Variants in GLMN observed in about 807,000 individuals in gnomAD.
GLMN encodes glomulin.
GLMN carries 75 observed loss-of-function variants against 87.8 expected under a neutral mutation model. The ratio of observed to expected loss-of-function variants is 0.85; its 90% CI spans 0.71 to 1.04. The LOEUF (loss-of-function observed/expected upper bound fraction) is 1.04. GLMN is among the 50% of genes least tolerant of loss of function. The pLI, the probability that GLMN is intolerant of heterozygous loss-of-function variation, is 0.00. For synonymous variants in GLMN, 206 were observed against 221.6 expected (o/e 0.93, Z 0.63); for missense variants, 588 against 658.8 (o/e 0.89, Z 1.18).
chr1:92,330,439 ATTTTTTTTTTT>A, the GLMN span, among the ~76,000 whole-genome samples: 6 of 61,462 alleles, frequency 9.8e-5, no homozygotes, highest in East Asian at 1.3e-3. Context: ...TGGGTTGTCA[ATTTTTTTTTTT>A]TTTTTTTTTT....
intron 7 of GLMN, among the ~76,000 whole-genome samples, chr1:92,277,873 TAATC>T (rs1647474186): frequency 6.6e-6 from 1 of 152,066 alleles, no homozygotes; most frequent in Non-Finnish European, 1.5e-5. Context: ...TCTAGCAAAT[TAATC>T]AAACCCAAGG....
the GLMN span, among the ~76,000 whole-genome samples, chr1:92,328,023 G>C: frequency 6.6e-6 from 1 of 152,192 alleles, no homozygotes; most frequent in Admixed American, 6.5e-5. Flanking sequence ...TGAGAAATCT[G>C]CTGTTAATCT....
chr1:92,266,791 G>A, intron 11 of GLMN, 50 bp from the exon 12 acceptor site: 1 of 1,186,294 alleles, frequency 8.4e-7, no homozygotes, highest in Non-Finnish European at 1.3e-6. Flanking sequence ...TATACTGACT[G>A]CAAACAAACA....
chr1:92,295,156 T>C (rs756655044), intron 3 of GLMN, among the ~76,000 whole-genome samples: 8 of 152,178 alleles, frequency 5.3e-5, no homozygotes, highest in Non-Finnish European at 1.2e-4. Flanking sequence ...GCCTGAAAAA[T>C]ACTTTGTTTA....
chr1:92,338,729 C>T, the GLMN span, among the ~76,000 whole-genome samples: 1 of 150,648 alleles, frequency 6.6e-6, no homozygotes, highest in South Asian at 2.1e-4. Flanking sequence ...TGGCTCACTG[C>T]AGCCTTAACT....
chr1:92,266,769 A>T (rs376145913), intron 11 of GLMN, 28 bp from the exon 12 acceptor site: 3 of 1,488,874 alleles, frequency 2.0e-6, no homozygotes, highest in Non-Finnish European at 2.8e-6. Flanking sequence ...TAAAATTCAG[A>T]TGTAAACAGA....
the GLMN span, chr1:92,304,306 T>C: frequency 6.6e-7 from 1 of 1,507,884 alleles, no homozygotes; most frequent in Non-Finnish European, 9.1e-7. Context: ...AAATATAAAA[T>C]TTCTACCAAA....
the GLMN span, among the ~76,000 whole-genome samples, chr1:92,365,450 A>G: frequency 6.6e-6 from 1 of 152,214 alleles, no homozygotes; most frequent in Non-Finnish European, 1.5e-5. Context: ...TGGGTGGGGC[A>G]TGGGCATAAG....
At chr1:92,319,492 G>A in the GLMN span, among the ~76,000 whole-genome samples, 169 of 152,218 alleles carry the variant, frequency 1.1e-3, no homozygotes, top group African/African-American at 3.9e-3. Flanking sequence ...TCTGGCAGGC[G>A]CGGTGGCTCA....
chr1:92,271,331 C>G, intron 8 of GLMN, 134 bp downstream of exon 8: 1 of 728,994 alleles, frequency 1.4e-6, no homozygotes, highest in South Asian at 1.6e-5. Flanking sequence ...TGGGATCATT[C>G]TTATTAAAAA....
chr1:92,348,462 T>G, the GLMN span, among the ~76,000 whole-genome samples: 1 of 152,224 alleles, frequency 6.6e-6, no homozygotes. Flanking sequence ...TTCTAACTTT[T>G]GCTCTAGGCC....
At chr1:92,250,990 C>T (rs1487373059) in intron 16 of GLMN, among the ~76,000 whole-genome samples, 1 of 152,142 alleles carries the variant, frequency 6.6e-6, no homozygotes, top group Non-Finnish European at 1.5e-5. Flanking sequence ...TAGTCAGTTT[C>T]CTCCCACCTC....
chr1:92,292,062 T>C (rs2101045540), intron 3 of GLMN, among the ~76,000 whole-genome samples: 1 of 152,370 alleles, frequency 6.6e-6, no homozygotes, highest in South Asian at 2.1e-4. Flanking sequence ...AAGTTTATCT[T>C]TATAATGACT....
At chr1:92,306,707 G>A in the GLMN span, among the ~76,000 whole-genome samples, 1 of 151,976 alleles carries the variant, frequency 6.6e-6, no homozygotes, top group African/African-American at 2.4e-5. Flanking sequence ...CAGGTGTGGT[G>A]GCACGCCTGT....
chr1:92,323,212 T>G, the GLMN span, among the ~76,000 whole-genome samples: 130,082 of 150,606 alleles, frequency 0.86, 56,611 homozygotes, highest in East Asian at 1. Context: ...GAAGGAAGAA[T>G]ACAGAAGGAG....
At chr1:92,311,058 CTGA>C in the GLMN span, among the ~76,000 whole-genome samples, 3 of 152,160 alleles carry the variant, frequency 2.0e-5, no homozygotes, top group Non-Finnish European at 4.4e-5. Context: ...TGAAATGCCT[CTGA>C]TATTTTCTAC....
At chr1:92,304,129 A>G in the GLMN span, 1 of 1,373,114 alleles carries the variant, frequency 7.3e-7, no homozygotes, top group Non-Finnish European at 1.0e-6. Flanking sequence ...CATTTAGCAA[A>G]ATACTTTGTT....
Position 92,297,439 on chromosome 1 carries a change from G to T in GLMN, c.130C>A (p.Gln44Lys), listed in dbSNP as rs758141455. Residue 44 changes from glutamine (Q) to lysine (K), a missense_variant, in exon 3 of 19, where the codon CAG becomes AAG. Transcript: ENST00000370360. ...TCATTTTGAATAATTTCTAATAGCT[G>T]GTCTGTGTGCCCTTCTTCTATGCAT... is the stretch of plus-strand genomic sequence containing the variant. ...QRCIEEGHTDQLLEIIQNEKN... is the reference protein window; with the variant it reads ...QRCIEEGHTDKLLEIIQNEKN... 4.3e-6 allele frequency: 7 copies of T among 1,609,634 alleles called. No individual in the cohort carries two copies. Among genetic ancestry groups the T allele is most frequent in the Admixed American group, 1.7e-5 (1 of 59,896 alleles).
chr1:92,265,041 C>T (rs909157398), intron 13 of GLMN, among the ~76,000 whole-genome samples: 62 of 152,196 alleles, frequency 4.1e-4, no homozygotes, highest in African/African-American at 1.5e-3. Context: ...CAGGGTTTCA[C>T]CATGTTGGCC....
Sources: gnomAD v4.1 joint callset for allele counts (sites outside exome capture counted in the v4.1 genomes callset) on GRCh38, gnomAD v4.1.1 for gene constraint, MANE v1.5 for transcripts, NCBI Gene and HGNC (gene_info 2026-07-23, HGNC 2026-07-21) for gene names.